Variants in CACNA1C observed in about 807,000 individuals in gnomAD.
The protein encoded by CACNA1C is calcium voltage-gated channel subunit alpha1 C.
A neutral mutation model predicts 229.0 loss-of-function variants in CACNA1C; 30 were observed. That is an observed-to-expected ratio of 0.13 (90% confidence interval 0.10 to 0.18). The LOEUF is 0.18. CACNA1C is among the 10% of genes least tolerant of loss of function. CACNA1C has a pLI of 1.00. For missense variants in CACNA1C, 1,658 were observed against 2,845.0 expected, an observed-to-expected ratio of 0.58 and a Z score of 9.49; for synonymous variants, 1,114 against 1,132.5, an observed-to-expected ratio of 0.98 and a Z score of 0.33.
intron 3 of CACNA1C, among the ~76,000 whole-genome samples, chr12:2,369,043 CA>C (rs2097786694): frequency 6.6e-6 from 1 of 152,024 alleles, no homozygotes; most frequent in Non-Finnish European, 1.5e-5. Context: ...TAAATGTGTC[CA>C]AAATAACCTT....
chr12:2,017,114 A>G (rs995828329), intron 1 of CACNA1C, among the ~76,000 whole-genome samples: 2 of 152,234 alleles, frequency 1.3e-5, no homozygotes, highest in East Asian at 3.8e-4. Context: ...AAGTTTCAGA[A>G]AGGTAATTCT....
chr12:2,236,613 C>A (rs1310538834), intron 3 of CACNA1C, among the ~76,000 whole-genome samples: 1 of 152,078 alleles, frequency 6.6e-6, no homozygotes, highest in Non-Finnish European at 1.5e-5. Flanking sequence ...CTACTTTAGT[C>A]CTAACTTTTC....
At chr12:2,150,760 TCTG>T in intron 3 of CACNA1C, among the ~76,000 whole-genome samples, 1 of 152,328 alleles carries the variant, frequency 6.6e-6, no homozygotes. Context: ...TCAGTTTCCT[TCTG>T]CTTCTCTCCT....
At chr12:2,216,738 C>T (rs1190248578) in intron 3 of CACNA1C, among the ~76,000 whole-genome samples, 1 of 152,126 alleles carries the variant, frequency 6.6e-6, no homozygotes, top group Non-Finnish European at 1.5e-5. Flanking sequence ...TTTGAAAGCA[C>T]CCCCAGGTGA....
intron 3 of CACNA1C, among the ~76,000 whole-genome samples, chr12:2,416,157 C>T (rs927409362): frequency 1.4e-4 from 21 of 152,164 alleles, no homozygotes; most frequent in African/African-American, 2.7e-4. Flanking sequence ...GACAGCTCAT[C>T]GCTATTTTAG....
At chr12:2,661,524 A>G (rs1244389359) in intron 34 of CACNA1C, among the ~76,000 whole-genome samples, 1 of 152,194 alleles carries the variant, frequency 6.6e-6, no homozygotes, top group Non-Finnish European at 1.5e-5. Flanking sequence ...GCCTTTGAAA[A>G]GGCCCAAGGT....
intron 13 of CACNA1C, among the ~76,000 whole-genome samples, chr12:2,578,202 G>C (rs1353019760): frequency 6.6e-6 from 1 of 152,236 alleles, no homozygotes; most frequent in Non-Finnish European, 1.5e-5. Context: ...ATGAGGGATA[G>C]AGCGGTGGCC....
chr12:2,471,243 TACCC>T (rs2099590381), intron 5 of CACNA1C, among the ~76,000 whole-genome samples: 1 of 152,252 alleles, frequency 6.6e-6, no homozygotes, highest in Non-Finnish European at 1.5e-5. Context: ...GAATTTCACT[TACCC>T]AACCCCTTGT....
chr12:2,154,262 C>T (rs1239479634), intron 3 of CACNA1C, among the ~76,000 whole-genome samples: 2 of 152,236 alleles, frequency 1.3e-5, no homozygotes. Flanking sequence ...GCTTGTGCTG[C>T]AGAGCCTGGC....
At chr12:2,539,246 TAAG>T (rs1444056214) in intron 9 of CACNA1C, among the ~76,000 whole-genome samples, 1 of 147,998 alleles carries the variant, frequency 6.8e-6, no homozygotes, top group Non-Finnish European at 1.5e-5. Context: ...TTTAAGGACT[TAAG>T]GAGGGCTTCA....
At chr12:2,031,634 A>T (rs1375757286) in intron 1 of CACNA1C, among the ~76,000 whole-genome samples, 3 of 152,140 alleles carry the variant, frequency 2.0e-5, no homozygotes, top group African/African-American at 7.2e-5. Flanking sequence ...CTTACCTTAG[A>T]GTAAAGGTTC....
At chr12:2,004,605 A>G (rs2154480511) in intron 1 of CACNA1C, 1 of 899,630 alleles carries the variant, frequency 1.1e-6, no homozygotes, top group African/African-American at 1.7e-5. Context: ...GGCCTCACTA[A>G]TCGATGGCCG....
At chr12:2,101,772 A>C (rs1473582140) in intron 1 of CACNA1C, among the ~76,000 whole-genome samples, 2 of 152,144 alleles carry the variant, frequency 1.3e-5, no homozygotes, top group Admixed American at 6.5e-5. Flanking sequence ...TGGTGGCAGA[A>C]GGAGGCTGGG....
chr12:1,989,808 T>A (rs2038889526), intron 1 of CACNA1C, among the ~76,000 whole-genome samples: 1 of 152,258 alleles, frequency 6.6e-6, no homozygotes, highest in Non-Finnish European at 1.5e-5. Context: ...TATGCTAATA[T>A]CTTATTTAGT....
intron 18 of CACNA1C, among the ~76,000 whole-genome samples, chr12:2,588,993 T>C (rs1489219572): frequency 6.6e-6 from 1 of 152,154 alleles, no homozygotes; most frequent in Non-Finnish European, 1.5e-5. Flanking sequence ...GGGGGCTTCA[T>C]GCAGAAGGGT....
chr12:2,395,148 A>G (rs1237124393), intron 3 of CACNA1C, among the ~76,000 whole-genome samples: 1 of 150,926 alleles, frequency 6.6e-6, no homozygotes, highest in East Asian at 1.9e-4. Context: ...CCTCCAGAGT[A>G]GCTGGGACTA....
At chr12:2,452,123 C>G (rs141207364) in intron 4 of CACNA1C, among the ~76,000 whole-genome samples, 1 of 152,156 alleles carries the variant, frequency 6.6e-6, no homozygotes, top group Non-Finnish European at 1.5e-5. Context: ...CCTGGCCTCC[C>G]ACAAAGCTGG....
chr12:2,217,957 G>A (rs527350288), intron 3 of CACNA1C: 11 of 152,284 alleles, frequency 7.2e-5, no homozygotes, highest in South Asian at 2.1e-4. Context: ...ACACTTTTAC[G>A]TACTTGAGAT....
At chr12:2,496,076 G>A (rs1484543488) in intron 7 of CACNA1C, among the ~76,000 whole-genome samples, 2 of 152,144 alleles carry the variant, frequency 1.3e-5, no homozygotes, top group Non-Finnish European at 2.9e-5. Context: ...ATAGAGCTTT[G>A]TAAATATAAA....
Sources: gnomAD v4.1 joint callset for allele counts (sites outside exome capture counted in the v4.1 genomes callset) on GRCh38, gnomAD v4.1.1 for gene constraint, MANE v1.5 for transcripts, NCBI Gene and HGNC (gene_info 2026-07-23, HGNC 2026-07-21) for gene names.